ATXN2: variants seen among roughly 807,000 people sequenced by gnomAD.
ATXN2 encodes the protein ataxin-2.
Under a neutral mutation model 138.6 loss-of-function variants are expected in ATXN2, and 37 were observed. The observed-to-expected ratio is 0.27, with a 90% CI of 0.21 to 0.35. The LOEUF (loss-of-function observed/expected upper bound fraction) is 0.35. ATXN2 is among the 10% of genes least tolerant of loss of function. ATXN2 has a pLI of 1.00. For synonymous variants in ATXN2, 549 were observed against 543.7 expected, an observed-to-expected ratio of 1.01 and a Z score of -0.13; for missense variants, 1,216 against 1,480.3, an observed-to-expected ratio of 0.82 and a Z score of 2.93.
chr12:111,564,495 A>G (rs1882880153), intron 1 of ATXN2, among the ~76,000 whole-genome samples: 1 of 151,828 alleles, frequency 6.6e-6, no homozygotes, highest in African/African-American at 2.4e-5. Flanking sequence ...GAAAAAAAAA[A>G]AAAGGATATG....
Position 111,470,610 on chromosome 12 carries a change from T to A in ATXN2, c.2657A>T (p.Gln886Leu). ...YSTQYVAYSP[Q>L]QFPNQPLVQH... ...AACAAGGGGCTGATTTGGGAACTGCTGAGGACTGTAGGCAACATATTGCGT... is the reference window on the plus strand; with the variant it reads ...AACAAGGGGCTGATTTGGGAACTGCAGAGGACTGTAGGCAACATATTGCGT... Residue 886 changes from glutamine (Q) to leucine (L), a missense_variant, in exon 19 of 25, where the codon CAG (glutamine) becomes CTG (leucine). Physicochemically the swap from Gln to Leu is moderately radical, Grantham distance 113. This residue lies in a region of ATXN2 where 490 missense variants were observed against 653.5 expected (regional missense o/e 0.75). Transcript: ENST00000673436. The A allele has an allele frequency of 6.2e-7, 1 of 1,614,174 alleles. No individual in the cohort carries two copies. Among genetic ancestry groups the A allele is most frequent in the Non-Finnish European group, 8.5e-7 (1 of 1,180,022 alleles).
chr12:111,567,381 T>G (rs1883068844), intron 1 of ATXN2, among the ~76,000 whole-genome samples: 1 of 150,930 alleles, frequency 6.6e-6, no homozygotes, highest in Admixed American at 6.6e-5. Flanking sequence ...GCACCTGTAG[T>G]CCCAGATACT....
chr12:111,510,726 C>T, intron 11 of ATXN2, 144 bp from the exon 12 acceptor site: 1 of 694,820 alleles, frequency 1.4e-6, no homozygotes, highest in Admixed American at 3.5e-5. Context: ...TTTTCTTTTC[C>T]AAAATGTTAG....
chr12:111,597,152 G>C (rs1884977425), intron 1 of ATXN2, among the ~76,000 whole-genome samples: 1 of 151,462 alleles, frequency 6.6e-6, no homozygotes, highest in African/African-American at 2.4e-5. Flanking sequence ...CTCAGAGAAG[G>C]GGAAGGGGGG....
At chr12:111,594,388 G>A (rs2135854885) in intron 1 of ATXN2, among the ~76,000 whole-genome samples, 1 of 151,586 alleles carries the variant, frequency 6.6e-6, no homozygotes, top group Non-Finnish European at 1.5e-5. Context: ...TCCCAGGCTG[G>A]AGTGCAGTGG....
chr12:111,569,292 C>T (rs1363747408), intron 1 of ATXN2, among the ~76,000 whole-genome samples: 1 of 152,088 alleles, frequency 6.6e-6, no homozygotes, highest in Non-Finnish European at 1.5e-5. Flanking sequence ...AAAATAGTAT[C>T]TTTTCATAAG....
At chr12:111,495,544 A>C (rs918916694) in intron 14 of ATXN2, among the ~76,000 whole-genome samples, 2 of 152,206 alleles carry the variant, frequency 1.3e-5, no homozygotes, top group Non-Finnish European at 2.9e-5. Flanking sequence ...AAGAGGTTAT[A>C]ACAAGTATAA....
intron 5 of ATXN2, among the ~76,000 whole-genome samples, chr12:111,531,732 C>A (rs1209300092): frequency 6.6e-6 from 1 of 152,154 alleles, no homozygotes; most frequent in Non-Finnish European, 1.5e-5. Flanking sequence ...GGTGGAGCCA[C>A]GCTCCTCAGG....
chr12:111,513,148 A>T (rs1433628335), intron 11 of ATXN2: 2 of 538,638 alleles, frequency 3.7e-6, no homozygotes, highest in African/African-American at 3.9e-5. Flanking sequence ...CGAAATCTCA[A>T]CTTCAGAATG....
intron 1 of ATXN2, among the ~76,000 whole-genome samples, chr12:111,588,334 A>C (rs1216605312): frequency 6.6e-6 from 1 of 152,168 alleles, no homozygotes; most frequent in Non-Finnish European, 1.5e-5. Context: ...ACATGAATGC[A>C]AACACAAATA....
intron 14 of ATXN2, among the ~76,000 whole-genome samples, chr12:111,494,697 T>C (rs1878296031): frequency 6.6e-6 from 1 of 152,186 alleles, no homozygotes; most frequent in African/African-American, 2.4e-5. Context: ...GTGCTGGGAT[T>C]ACAGGTGTGA....
chr12:111,559,868 GA>G (rs527954175), intron 1 of ATXN2, among the ~76,000 whole-genome samples: 2 of 149,936 alleles, frequency 1.3e-5, no homozygotes, highest in South Asian at 4.2e-4. Flanking sequence ...TAATTTAGGA[GA>G]AAAAAAACTC....
intron 1 of ATXN2, among the ~76,000 whole-genome samples, chr12:111,560,769 G>C (rs555269037): frequency 6.2e-4 from 93 of 151,072 alleles, no homozygotes; most frequent in African/African-American, 2.3e-3. Flanking sequence ...AAAAAAAAAC[G>C]ACAAGCTAAG....
In ATXN2 at chr12:111,492,480, G is replaced by A. The variant is rs141015813; in HGVS notation, c.1936-3700C>T. Among the ~76,000 whole-genome samples the A allele has an allele frequency of 1.1e-3, 160 of 152,252 alleles. No individual in the cohort carries two copies. The East Asian group carries it at 0.012, about 11-fold the overall frequency. ...GGACAGATCACGAGGTTAGGAGTTC[G>A]AGACCAGCCTGACCAACATGGTGAA... On this transcript the variant is annotated intron_variant, in intron 14 of 24. Coordinates refer to ENST00000673436, the MANE Select transcript of ATXN2 (RefSeq NM_001372574.1).
At chr12:111,479,672 C>A (rs896129718) in intron 18 of ATXN2, among the ~76,000 whole-genome samples, 14 of 152,020 alleles carry the variant, frequency 9.2e-5, no homozygotes, top group Admixed American at 9.2e-4. Context: ...GAATGTGGCC[C>A]AACACAAATT....
intron 21 of ATXN2, among the ~76,000 whole-genome samples, chr12:111,458,633 G>A (rs946610785): frequency 1.3e-5 from 2 of 152,148 alleles, no homozygotes; most frequent in Non-Finnish European, 2.9e-5. Context: ...AATCCCTCAA[G>A]ATAATAAGCC....
chr12:111,515,996 T>A (rs908647843), intron 10 of ATXN2, among the ~76,000 whole-genome samples, 158 bp downstream of exon 10: 13 of 152,266 alleles, frequency 8.5e-5, no homozygotes, highest in Admixed American at 8.5e-4. Context: ...TTCTCTCTAA[T>A]GAACAAAAGG....
At chr12:111,513,049 CA>C (rs961105078) in intron 11 of ATXN2, 4 of 287,068 alleles carry the variant, frequency 1.4e-5, no homozygotes, top group Non-Finnish European at 2.6e-5. Context: ...TATAGTTTTA[CA>C]ATATATCTGT....
chr12:111,552,422 C>T lies in ATXN2; in HGVS notation c.429G>A (p.Leu143=). 3 of 1,605,448 alleles carry T rather than the reference C, an allele frequency of 1.9e-6. No individual in the cohort carries two copies. The change falls in exon 5 of 25, where the codon TTG becomes TTA. Residue 143 remains leucine (L), a synonymous_variant. Transcript: ENST00000673436. The surrounding 1 kb of genome is among the most constrained non-coding windows in gnomAD (Gnocchi z 4.1). ...TTTTCTCATGTGCGGCATCAAGTAC[C>T]AAATCACACTAAAATGAAAAACACA... The part of the protein sequence containing the change: ...VFKTYSPKCD[L]VLDAAHEKST...
Sources: allele counts gnomAD v4.1 joint callset (sites outside exome capture counted in the v4.1 genomes callset), GRCh38; gene constraint gnomAD v4.1.1; regional missense constraint gnomAD v4.1.1; non-coding constraint Gnocchi (gnomAD v3.1); transcripts MANE v1.5; gene names NCBI Gene and HGNC (gene_info 2026-07-23, HGNC 2026-07-21).